Variants in MOB3B observed in about 807,000 individuals in gnomAD.
MOB3B encodes MOB kinase activator 3B.
Under a neutral mutation model 18.7 loss-of-function variants are expected in MOB3B, and 7 were observed. The ratio of observed to expected loss-of-function variants is 0.37; its 90% CI spans 0.21 to 0.70. The LOEUF is 0.70. Among genes scored for constraint, MOB3B ranks in the 30% least tolerant of loss-of-function variants. The pLI is 0.52. For missense variants in MOB3B, 253 were observed against 281.3 expected (o/e 0.90, Z 0.72); for synonymous variants, 111 against 99.9 (o/e 1.11, Z -0.66).
chr9:27,496,248 A>C (rs1186494317), intron 1 of MOB3B, among the ~76,000 whole-genome samples: 1 of 152,264 alleles, frequency 6.6e-6, no homozygotes, highest in Non-Finnish European at 1.5e-5. Flanking sequence ...TTTGCCAAGT[A>C]AACCACTATA....
At chr9:27,361,309 G>C (rs1386249454) in intron 2 of MOB3B, among the ~76,000 whole-genome samples, 1 of 152,124 alleles carries the variant, frequency 6.6e-6, no homozygotes, top group Non-Finnish European at 1.5e-5. Context: ...AGAGTACAAC[G>C]CTCTCTCTTC....
intron 2 of MOB3B, among the ~76,000 whole-genome samples, chr9:27,420,370 G>A (rs960365855): frequency 6.6e-6 from 1 of 151,546 alleles, no homozygotes; most frequent in African/African-American, 2.4e-5. Flanking sequence ...GTTTATAGCA[G>A]CACAATTCAC....
At chr9:27,431,096 T>C (rs911664080) in intron 2 of MOB3B, among the ~76,000 whole-genome samples, 4 of 152,234 alleles carry the variant, frequency 2.6e-5, no homozygotes, top group Middle Eastern at 3.4e-3. Context: ...TTGGGAAAAA[T>C]TCAATTATTT....
chr9:27,350,233 AC>A (rs1383720047), intron 3 of MOB3B, among the ~76,000 whole-genome samples: 1 of 145,496 alleles, frequency 6.9e-6, no homozygotes. Flanking sequence ...AAAAGTATAT[AC>A]CAAAAAAAAA....
At chr9:27,368,539 G>C (rs1288109724) in intron 2 of MOB3B, among the ~76,000 whole-genome samples, 1 of 152,172 alleles carries the variant, frequency 6.6e-6, no homozygotes, top group Non-Finnish European at 1.5e-5. Context: ...AAACAATCCT[G>C]TGTAGCAGGA....
intron 1 of MOB3B, among the ~76,000 whole-genome samples, chr9:27,495,527 T>G (rs1214291951): frequency 1.3e-5 from 2 of 152,122 alleles, no homozygotes; most frequent in Non-Finnish European, 2.9e-5. Context: ...TGGGAGCTCC[T>G]TGAAGACAAG....
chr9:27,484,673 A>G (rs1048165494), intron 1 of MOB3B, among the ~76,000 whole-genome samples: 6 of 152,058 alleles, frequency 3.9e-5, no homozygotes, highest in African/African-American at 1.2e-4. Flanking sequence ...GTTCCTGTGC[A>G]TTTCATGTCT....
intron 2 of MOB3B, among the ~76,000 whole-genome samples, chr9:27,364,565 G>C (rs1233879369): frequency 1.3e-5 from 2 of 152,150 alleles, no homozygotes; most frequent in East Asian, 3.8e-4. Context: ...TCTGTAACCA[G>C]AACTCCTAGG....
chr9:27,510,753 T>G (rs939652723), intron 1 of MOB3B, among the ~76,000 whole-genome samples: 1 of 152,164 alleles, frequency 6.6e-6, no homozygotes, highest in East Asian at 1.9e-4. Context: ...TGAAAATCAG[T>G]CCATCCTCTC....
chr9:27,368,139 T>C (rs1407625552), intron 2 of MOB3B, among the ~76,000 whole-genome samples: 1 of 152,092 alleles, frequency 6.6e-6, no homozygotes, highest in African/African-American at 2.4e-5. Context: ...GAACACACCA[T>C]TTCCAAAATA....
chr9:27,458,854 C>T (rs1819232466), intron 1 of MOB3B, among the ~76,000 whole-genome samples: 2 of 152,036 alleles, frequency 1.3e-5, no homozygotes, highest in South Asian at 4.2e-4. Flanking sequence ...GGTATTATCT[C>T]CATTTTACAG....
chr9:27,508,288 C>T (rs1008765786), intron 1 of MOB3B, among the ~76,000 whole-genome samples: 1 of 152,032 alleles, frequency 6.6e-6, no homozygotes, highest in African/African-American at 2.4e-5. Context: ...AATAATAAAC[C>T]ATAACAAGAT....
At chr9:27,524,960 A>T (rs1301674703) in intron 1 of MOB3B, 1 of 1,566,368 alleles carries the variant, frequency 6.4e-7, no homozygotes, top group Non-Finnish European at 8.6e-7. Flanking sequence ...GGAGGAAATA[A>T]GGTATATTTT....
chr9:27,381,826 T>C (rs1484828536), intron 2 of MOB3B, among the ~76,000 whole-genome samples: 1 of 152,172 alleles, frequency 6.6e-6, no homozygotes, highest in Non-Finnish European at 1.5e-5. Flanking sequence ...TTTTATTTTA[T>C]GTAGAGATGA....
intron 1 of MOB3B, among the ~76,000 whole-genome samples, chr9:27,478,474 A>G (rs924347809): frequency 3.4e-4 from 51 of 152,214 alleles, no homozygotes; most frequent in Non-Finnish European, 4.7e-4. Context: ...CAACTTTGAA[A>G]AAAAGAACTA....
Position 27,495,098 on chromosome 9 carries a change from G to A in MOB3B, c.-199+34457C>T, listed in dbSNP as rs117257028. On this transcript the variant is annotated intron_variant, in intron 1 of 3. Transcript: ENST00000262244. ...AATTCCAGCACTTTAGGAGGCTGAGGTGGGAGGATCACTTGAGCCCAGGAG... is the reference window on the plus strand; with the variant it reads ...AATTCCAGCACTTTAGGAGGCTGAGATGGGAGGATCACTTGAGCCCAGGAG... Among the ~76,000 whole-genome samples the A allele has an allele frequency of 5.3e-3, 803 of 152,276 alleles. 6 individuals carry two copies. Among genetic ancestry groups the A allele is most frequent in the Non-Finnish European group, 9.5e-3 (645 of 68,022 alleles).
At chr9:27,379,297 G>A (rs999405119) in intron 2 of MOB3B, among the ~76,000 whole-genome samples, 3 of 152,108 alleles carry the variant, frequency 2.0e-5, no homozygotes, top group African/African-American at 7.2e-5. Context: ...GGATTCTAAC[G>A]CACCTTTAGG....
chr9:27,447,202 A>G (rs1822705832), intron 2 of MOB3B, among the ~76,000 whole-genome samples: 1 of 152,146 alleles, frequency 6.6e-6, no homozygotes, highest in Non-Finnish European at 1.5e-5. Flanking sequence ...CTCTCTATCT[A>G]GAGGCAAGGC....
At chr9:27,400,699 C>T (rs542804618) in intron 2 of MOB3B, among the ~76,000 whole-genome samples, 2 of 152,340 alleles carry the variant, frequency 1.3e-5, no homozygotes, top group African/African-American at 4.8e-5. Flanking sequence ...GCACAAAGTC[C>T]TACTTAGAGA....
Sources: allele counts gnomAD v4.1 joint callset (sites outside exome capture counted in the v4.1 genomes callset), GRCh38; gene constraint gnomAD v4.1.1; transcripts MANE v1.5; gene names NCBI Gene and HGNC (gene_info 2026-07-23, HGNC 2026-07-21).